The following PDK1 variants were observed in gnomAD, a reference collection of about 807,000 sequenced individuals.
PDK1 encodes the protein [Pyruvate dehydrogenase (acetyl-transferring)] kinase isozyme 1, mitochondrial.
A neutral mutation model predicts 54.2 loss-of-function variants in PDK1; 39 were observed. The ratio of observed to expected loss-of-function variants is 0.72; its 90% CI spans 0.56 to 0.94. The LOEUF (loss-of-function observed/expected upper bound fraction) is 0.94. PDK1 is among the 40% of genes least tolerant of loss of function. The pLI, the probability that PDK1 is intolerant of heterozygous loss-of-function variation, is 0.00. For missense variants in PDK1, 552 were observed against 566.0 expected, an observed-to-expected ratio of 0.98 and a Z score of 0.25; for synonymous variants, 221 against 207.1, an observed-to-expected ratio of 1.07 and a Z score of -0.58.
At chr2:172,629,788 A>G in the PDK1 span, among the ~76,000 whole-genome samples, 3 of 152,140 alleles carry the variant, frequency 2.0e-5, no homozygotes, top group South Asian at 2.1e-4. Context: ...GCAGGCCCGC[A>G]TGGAGTTCTG....
chr2:172,567,001 A>C, intron 6 of PDK1, 68 bp downstream of exon 6: 1 of 1,038,916 alleles, frequency 9.6e-7, no homozygotes. Flanking sequence ...TAAGAATTTA[A>C]ATGTTTTAAT....
rs1691079219 is a variant in PDK1 at position 172,600,567 on chromosome 2, A to G, written c.*4598A>G. 6.6e-6 allele frequency: 1 copy of G among 152,190 alleles called. No homozygotes were observed. Among genetic ancestry groups the G allele is most frequent in the African/African-American group, 2.4e-5 (1 of 41,444 alleles). The allele number at this position is 152,190 out of a possible 1,614,324, so 9.4% of individuals were successfully genotyped here. A position where few individuals can be genotyped will look rare whatever the true frequency, so the allele number is the denominator to read the frequency against. On this transcript the variant is annotated 3_prime_UTR_variant, in exon 11 of 11. Coordinates refer to ENST00000282077, the MANE Select transcript of PDK1 (RefSeq NM_002610.5). Reference sequence around the variant, plus strand: ...ATGGCCAAGGAGATCGAGGTCGCAGACACACACAGTTTGGAGCAGGAGTTT... The same window carrying G: ...ATGGCCAAGGAGATCGAGGTCGCAGGCACACACAGTTTGGAGCAGGAGTTT...
chr2:172,583,554 A>G lies in PDK1; in HGVS notation c.946-2724A>G, dbSNP rs1690041826. Among the ~76,000 whole-genome samples, 3 of 151,968 alleles carry G rather than the reference A, an allele frequency of 2.0e-5. No individual in the cohort carries two copies. In the South Asian group the frequency reaches 6.2e-4, roughly 32 times the overall value. On this transcript the variant is annotated intron_variant, in intron 8 of 10. Transcript: ENST00000282077. ...AGTGATTCGCCGGCCTTGCCTCCCAAAGTGCTGGGTTTATAGGTGTAAGCC... is the reference window on the plus strand; with the variant it reads ...AGTGATTCGCCGGCCTTGCCTCCCAGAGTGCTGGGTTTATAGGTGTAAGCC...
At chr2:172,564,191 C>A in intron 3 of PDK1, 1 of 476,454 alleles carries the variant, frequency 2.1e-6, no homozygotes, top group Non-Finnish European at 4.1e-6. Context: ...TTAGCCAGTG[C>A]TCAGATGACC....
rs1370724391 is a variant in PDK1, at chr2:172,596,503, A to G, written c.*534A>G. ...GAACCAGCCACCCTTCGGCGTCTAC[A>G]TGCATTGTCTTAGCTCTGAGGTTAA... is the stretch of plus-strand genomic sequence containing the variant. On this transcript the variant is annotated 3_prime_UTR_variant, in exon 11 of 11. Transcript: ENST00000282077. The G allele has an allele frequency of 6.5e-6, 1 of 152,732 alleles. No homozygotes were observed. Among genetic ancestry groups the G allele is most frequent in the Non-Finnish European group, 1.5e-5 (1 of 68,406 alleles). The allele number at this position is 152,732 out of a possible 1,614,324, so 9.5% of individuals were successfully genotyped here.
the PDK1 span, among the ~76,000 whole-genome samples, chr2:172,682,284 C>G: frequency 6.6e-6 from 1 of 152,208 alleles, no homozygotes; most frequent in Non-Finnish European, 1.5e-5. Flanking sequence ...GAGAGGACAT[C>G]AGCAAAATGA....
upstream of PDK1, chr2:172,556,004 G>C (rs1574451373): frequency 2.0e-6 from 1 of 507,032 alleles, no homozygotes; most frequent in South Asian, 5.6e-5. Flanking sequence ...AGCGGCGCAG[G>C]GGGCCGGGCT....
At chr2:172,649,185 G>A in the PDK1 span, among the ~76,000 whole-genome samples, 2 of 152,322 alleles carry the variant, frequency 1.3e-5, no homozygotes, top group East Asian at 1.9e-4. Context: ...AATATTTGCT[G>A]TTCTGCAGCT....
intron 8 of PDK1, among the ~76,000 whole-genome samples, chr2:172,578,909 T>C: frequency 6.6e-6 from 1 of 152,204 alleles, no homozygotes; most frequent in East Asian, 1.9e-4. Flanking sequence ...TGTGTGTGTA[T>C]AGAAGTGTTC....
chr2:172,693,614 G>A, the PDK1 span, among the ~76,000 whole-genome samples: 5 of 152,126 alleles, frequency 3.3e-5, no homozygotes, highest in Admixed American at 2.0e-4. Flanking sequence ...ATGGCAAAAC[G>A]GATGGGGTCA....
chr2:172,652,524 A>G, the PDK1 span, among the ~76,000 whole-genome samples: 4 of 152,246 alleles, frequency 2.6e-5, no homozygotes, highest in East Asian at 5.8e-4. Context: ...AGAGGAAGTC[A>G]AATTGTCCCT....
intron 3 of PDK1, chr2:172,562,722 A>G (rs1198451664): frequency 1.5e-6 from 2 of 1,377,094 alleles, no homozygotes; most frequent in Non-Finnish European, 2.1e-6. Flanking sequence ...AACTAATTAA[A>G]ACATTTTTTA....
intron 2 of PDK1, among the ~76,000 whole-genome samples, chr2:172,559,462 G>A (rs1182593356): frequency 6.6e-6 from 1 of 152,158 alleles, no homozygotes; most frequent in Non-Finnish European, 1.5e-5. Context: ...TTGATGACTG[G>A]GTATTTATGT....
At chr2:172,668,945 A>AGAGG in the PDK1 span, among the ~76,000 whole-genome samples, 1,064 of 147,264 alleles carry the variant, frequency 7.2e-3, 14 homozygotes, top group East Asian at 0.035. Context: ...AGAGAAAGAG[A>AGAGG]GAGAGACGGA....
At chr2:172,579,024 G>A (rs565295435) in intron 8 of PDK1, among the ~76,000 whole-genome samples, 55 of 152,306 alleles carry the variant, frequency 3.6e-4, no homozygotes, top group African/African-American at 1.2e-3. Context: ...GGCCTTCTCA[G>A]TGTCTTTCCT....
intron 3 of PDK1, chr2:172,563,902 G>T (rs1688791952): frequency 2.4e-6 from 1 of 409,658 alleles, no homozygotes; most frequent in Non-Finnish European, 5.0e-6. Flanking sequence ...CTAAGTGACA[G>T]AGATGGGAAG....
chr2:172,571,940 A>C (rs1013486481), intron 8 of PDK1, among the ~76,000 whole-genome samples: 2 of 140,600 alleles, frequency 1.4e-5, no homozygotes, highest in Non-Finnish European at 3.0e-5. Flanking sequence ...CAAGTGATTC[A>C]CCTGCCTCAG....
At chr2:172,669,507 T>C in the PDK1 span, among the ~76,000 whole-genome samples, 1 of 152,234 alleles carries the variant, frequency 6.6e-6, no homozygotes, top group Admixed American at 6.5e-5. Flanking sequence ...CTCTTCAGCA[T>C]ACTGATTTCA....
chr2:172,718,607 A>G, the PDK1 span, among the ~76,000 whole-genome samples: 1 of 152,188 alleles, frequency 6.6e-6, no homozygotes, highest in East Asian at 1.9e-4. Context: ...TGTTTTAGCA[A>G]ACAGAATATG....
Sources: allele counts gnomAD v4.1 joint callset (sites outside exome capture counted in the v4.1 genomes callset), GRCh38; gene constraint gnomAD v4.1.1; transcripts MANE v1.5; gene names NCBI Gene and HGNC (gene_info 2026-07-23, HGNC 2026-07-21).